The following RPS6KC1 variants were observed in gnomAD, a reference collection of about 807,000 sequenced individuals.
RPS6KC1 encodes inactive ribosomal protein S6 kinase delta-1.
Under a neutral mutation model 103.8 loss-of-function variants are expected in RPS6KC1, and 54 were observed. That is an observed-to-expected ratio of 0.52 (90% confidence interval 0.42 to 0.65). RPS6KC1 has a LOEUF of 0.65. RPS6KC1 is among the 30% of genes least tolerant of loss of function. RPS6KC1 has a pLI of 0.00. For synonymous variants in RPS6KC1, 439 were observed against 438.7 expected (o/e 1.00, Z -0.01); for missense variants, 1,151 against 1,253.8 (o/e 0.92, Z 1.24).
intron 8 of RPS6KC1, among the ~76,000 whole-genome samples, chr1:213,192,830 C>T (rs968507578): frequency 1.3e-5 from 2 of 152,032 alleles, no homozygotes; most frequent in Non-Finnish European, 2.9e-5. Context: ...TAGACACTTC[C>T]AGGTGTAAAC....
the RPS6KC1 span, among the ~76,000 whole-genome samples, chr1:213,364,486 G>T: frequency 6.6e-6 from 1 of 152,190 alleles, no homozygotes; most frequent in East Asian, 1.9e-4. Context: ...TTGTTGGTGG[G>T]TTCACAACCT....
chr1:213,854,510 C>CCCTTTCTTTCTT, the RPS6KC1 span, among the ~76,000 whole-genome samples: 1 of 120,934 alleles, frequency 8.3e-6, no homozygotes, highest in Non-Finnish European at 1.7e-5. Context: ...CTCTTTCTTT[C>CCCTTTCTTTCTT]TCTTTCTTTC....
At chr1:213,458,121 A>G in the RPS6KC1 span, among the ~76,000 whole-genome samples, 2 of 152,164 alleles carry the variant, frequency 1.3e-5, no homozygotes, top group African/African-American at 2.4e-5. Flanking sequence ...ATAGTACTCA[A>G]TAGGTAGTTT....
the RPS6KC1 span, among the ~76,000 whole-genome samples, chr1:213,663,366 T>C: frequency 6.6e-6 from 1 of 152,226 alleles, no homozygotes; most frequent in Non-Finnish European, 1.5e-5. Flanking sequence ...AGAGAACTTC[T>C]TCCATTACCT....
chr1:213,551,596 A>G, the RPS6KC1 span, among the ~76,000 whole-genome samples: 3 of 152,228 alleles, frequency 2.0e-5, no homozygotes, highest in East Asian at 5.8e-4. Context: ...AGCAGAACGT[A>G]TAGGGAGTTC....
chr1:213,227,306 TAGAGTTGAATTCA>T (rs771135475), intron 8 of RPS6KC1, among the ~76,000 whole-genome samples: 14 of 152,216 alleles, frequency 9.2e-5, no homozygotes, highest in Non-Finnish European at 1.5e-4. Context: ...TACAAACTTT[TAGAGTTGAATTCA>T]CTAACCGTAT....
At chr1:213,080,643 C>G (rs190164736) in intron 3 of RPS6KC1, among the ~76,000 whole-genome samples, 7 of 152,186 alleles carry the variant, frequency 4.6e-5, no homozygotes, top group Admixed American at 6.5e-5. Flanking sequence ...TGCAGTCCCA[C>G]AGCCTCCATC....
the RPS6KC1 span, among the ~76,000 whole-genome samples, chr1:213,755,914 A>G: frequency 1.3e-5 from 2 of 152,236 alleles, no homozygotes; most frequent in Non-Finnish European, 2.9e-5. Context: ...TTTCTGGAGT[A>G]ACAGAGGCAC....
chr1:213,632,495 A>G, the RPS6KC1 span, among the ~76,000 whole-genome samples: 6 of 152,246 alleles, frequency 3.9e-5, no homozygotes, highest in African/African-American at 1.4e-4. Flanking sequence ...AAGGAATAGC[A>G]TCAACATCAA....
the RPS6KC1 span, among the ~76,000 whole-genome samples, chr1:213,632,640 C>T: frequency 3.9e-5 from 6 of 152,244 alleles, no homozygotes; most frequent in African/African-American, 1.4e-4. Flanking sequence ...GCCTCTTCTC[C>T]TCCAAAGGAT....
At chr1:213,781,523 T>C in the RPS6KC1 span, among the ~76,000 whole-genome samples, 11 of 152,318 alleles carry the variant, frequency 7.2e-5, no homozygotes, top group East Asian at 1.2e-3. Flanking sequence ...AGGGAAATCA[T>C]ATCATTTAGC....
the RPS6KC1 span, among the ~76,000 whole-genome samples, chr1:213,395,120 ATGGAATGTCATGGGTC>A: frequency 6.6e-6 from 1 of 152,164 alleles, no homozygotes; most frequent in African/African-American, 2.4e-5. Context: ...AACCCGGAAC[ATGGAATGTCATGGGTC>A]TGTAGTCCAG....
At chr1:213,608,972 AT>A in the RPS6KC1 span, among the ~76,000 whole-genome samples, 1 of 152,140 alleles carries the variant, frequency 6.6e-6, no homozygotes, top group Non-Finnish European at 1.5e-5. Flanking sequence ...GACATTTATA[AT>A]TTTTTTACAC....
the RPS6KC1 span, among the ~76,000 whole-genome samples, chr1:213,476,566 G>T: frequency 6.6e-6 from 1 of 152,150 alleles, no homozygotes; most frequent in South Asian, 2.1e-4. Context: ...GACCTAGCCT[G>T]TTCAGCCGTT....
chr1:213,610,872 G>A, the RPS6KC1 span, among the ~76,000 whole-genome samples: 2 of 152,156 alleles, frequency 1.3e-5, no homozygotes, highest in African/African-American at 4.8e-5. Context: ...GCATTTGCTC[G>A]CAGGAACAAT....
At chr1:213,543,382 G>A in the RPS6KC1 span, among the ~76,000 whole-genome samples, 1 of 152,184 alleles carries the variant, frequency 6.6e-6, no homozygotes, top group South Asian at 2.1e-4. Flanking sequence ...TTAAAACACA[G>A]GAAGACAGAA....
the RPS6KC1 span, among the ~76,000 whole-genome samples, chr1:213,755,561 G>A: frequency 4.4e-3 from 665 of 152,316 alleles, 6 homozygotes; most frequent in African/African-American, 0.015. Flanking sequence ...GGCATGATCA[G>A]GTTGCACTTT....
At chr1:213,250,297 T>A (rs1298042517) in intron 12 of RPS6KC1, among the ~76,000 whole-genome samples, 3 of 152,220 alleles carry the variant, frequency 2.0e-5, no homozygotes, top group Admixed American at 1.3e-4. Context: ...TGCCAGTCTC[T>A]GTCATTGGTC....
chr1:213,066,035 C>T (rs1257113879), intron 1 of RPS6KC1, among the ~76,000 whole-genome samples: 2 of 152,130 alleles, frequency 1.3e-5, no homozygotes, highest in African/African-American at 2.4e-5. Context: ...GCTACTCCTG[C>T]CTAACTCATA....
Sources: gnomAD v4.1 joint callset for allele counts (sites outside exome capture counted in the v4.1 genomes callset) on GRCh38, gnomAD v4.1.1 for gene constraint, MANE v1.5 for transcripts, NCBI Gene and HGNC (gene_info 2026-07-23, HGNC 2026-07-21) for gene names.